The following RNF144B variants were observed in gnomAD, a reference collection of about 807,000 sequenced individuals.
The protein encoded by RNF144B is ring finger protein 144B.
In RNF144B, 25 loss-of-function variants were observed where a neutral mutation model predicts 40.2. The ratio of observed to expected loss-of-function variants is 0.62; its 90% CI spans 0.45 to 0.87. The LOEUF (loss-of-function observed/expected upper bound fraction) is 0.87. Ranked by LOEUF, RNF144B falls within the 40% of genes least tolerant of loss-of-function variation. The pLI is 0.00. For missense variants in RNF144B, 365 were observed against 373.7 expected, an observed-to-expected ratio of 0.98 and a Z score of 0.19; for synonymous variants, 145 against 136.3, an observed-to-expected ratio of 1.06 and a Z score of -0.44.
rs34536959 is a variant in RNF144B, at chr6:18,418,658, G to A, written c.166-8923G>A. Among the ~76,000 whole-genome samples, 4,486 of 152,174 alleles carry A rather than the reference G, an allele frequency of 0.029. 105 individuals are homozygous for A. Among genetic ancestry groups the A allele is most frequent in the Non-Finnish European group, 0.048 (3,291 of 67,984 alleles). Reference sequence around the variant, plus strand: ...TGTTCTAAAATCAAATTTGGTGATAGTTATACACTGTGAATATACTAAAAA... The same window carrying A: ...TGTTCTAAAATCAAATTTGGTGATAATTATACACTGTGAATATACTAAAAA... On this transcript the variant is annotated intron_variant, in intron 2 of 7. Transcript: ENST00000259939. The surrounding 1 kb of genome is among the most constrained non-coding windows in gnomAD (Gnocchi z 5.2).
In RNF144B at chr6:18,400,041, G is replaced by A. The variant is rs1323743911; in HGVS notation, c.165+342G>A. ...AATCCCAGCACTTTGGGAGGCCGAG[G>A]CGGGCGGATCACAAGGTCAGAAGAT... On this transcript the variant is annotated intron_variant, in intron 2 of 7. Coordinates refer to ENST00000259939, the MANE Select transcript of RNF144B (RefSeq NM_182757.4). The surrounding 1 kb of genome is among the most constrained non-coding windows in gnomAD (Gnocchi z 5.6). 6.6e-6 allele frequency among the ~76,000 whole-genome samples: 1 copy of A among 152,148 alleles called. No homozygotes were observed. Among genetic ancestry groups the A allele is most frequent in the East Asian group, 1.9e-4 (1 of 5,178 alleles).
rs542070789 is a variant in RNF144B at position 18,405,260 on chromosome 6, G to A, written c.165+5561G>A. ...ACAATCTCGGCTCACTGTAACTTCCGCCTCCCGGGTTCAAGTGGTTCTCCT... is the reference window on the plus strand; with the variant it reads ...ACAATCTCGGCTCACTGTAACTTCCACCTCCCGGGTTCAAGTGGTTCTCCT... On this transcript the variant is annotated intron_variant, in intron 2 of 7. Coordinates refer to ENST00000259939, the MANE Select transcript of RNF144B (RefSeq NM_182757.4). This position sits in a 1 kb window ranked among gnomAD's most constrained non-coding sequence, Gnocchi z 4.5. 1.1e-4 allele frequency among the ~76,000 whole-genome samples: 17 copies of A among 151,800 alleles called. No individual in the cohort carries two copies. In the East Asian group the frequency reaches 1.2e-3, roughly 10 times the overall value.
intron 2 of RNF144B, among the ~76,000 whole-genome samples, chr6:18,426,012 A>G (rs1312761316): frequency 6.6e-6 from 1 of 152,178 alleles, no homozygotes; most frequent in Non-Finnish European, 1.5e-5. Context: ...TAAATACATG[A>G]TTAGTTTTCT....
At chr6:18,411,497 A>ATATATATATATATTT in intron 2 of RNF144B, among the ~76,000 whole-genome samples, 1 of 29,790 alleles carries the variant, frequency 3.4e-5, no homozygotes, top group African/African-American at 1.4e-4. Context: ...ATATATATAT[A>ATATATATATATATTT]TTTTTTTTTT....
chr6:18,433,232 T>C (rs539459650), intron 3 of RNF144B, among the ~76,000 whole-genome samples: 2 of 152,164 alleles, frequency 1.3e-5, no homozygotes, highest in Admixed American at 1.3e-4. Flanking sequence ...GTTACTGTGG[T>C]GTAAGGATCT....
intron 3 of RNF144B, among the ~76,000 whole-genome samples, chr6:18,436,420 A>G (rs1188063124): frequency 6.6e-6 from 1 of 152,218 alleles, no homozygotes; most frequent in Admixed American, 6.5e-5. Flanking sequence ...CTTTAATTCT[A>G]TTGTATCGAA....
Position 18,459,791 on chromosome 6 carries a change from C to T in RNF144B, c.681+40C>T, listed in dbSNP as rs1341137538. The T allele has an allele frequency of 6.3e-7, 1 of 1,578,194 alleles. No homozygotes were observed. The highest frequency in any genetic ancestry group is 8.7e-7 in the Non-Finnish European group (1 of 1,151,998). ...GGTTTGTTGTATGGTGTTTCCTATA[C>T]TGTATCTGCACCACAGCTGATATCC... On this transcript the variant is annotated intron_variant, in intron 6 of 7. Coordinates refer to ENST00000259939, the MANE Select transcript of RNF144B (RefSeq NM_182757.4). This position sits in a 1 kb window ranked among gnomAD's most constrained non-coding sequence, Gnocchi z 4.2.
intron 2 of RNF144B, among the ~76,000 whole-genome samples, chr6:18,417,389 G>A (rs1711906809): frequency 6.6e-6 from 1 of 152,076 alleles, no homozygotes; most frequent in African/African-American, 2.4e-5. Flanking sequence ...TAGATCAATG[G>A]AATAGAATTG....
intron 4 of RNF144B, among the ~76,000 whole-genome samples, chr6:18,454,637 CT>C (rs912002253): frequency 2.0e-5 from 3 of 152,206 alleles, no homozygotes; most frequent in African/African-American, 7.2e-5. Flanking sequence ...GGCTCAAACT[CT>C]TTCCTTGCTT....
In RNF144B at chr6:18,414,632, A is replaced by G. The variant is rs1395818421; in HGVS notation, c.166-12949A>G. On this transcript the variant is annotated intron_variant, in intron 2 of 7. Coordinates refer to ENST00000259939, the MANE Select transcript of RNF144B (RefSeq NM_182757.4). The surrounding 1 kb of genome is among the most constrained non-coding windows in gnomAD (Gnocchi z 4.9). ...ATATATATGATTAGTTTTAATTAAG[A>G]TATTATTTCATTATAATTTATTCAA... Among the ~76,000 whole-genome samples the G allele has an allele frequency of 6.6e-6, 1 of 152,170 alleles. No individual in the cohort carries two copies. Among genetic ancestry groups the G allele is most frequent in the Non-Finnish European group, 1.5e-5 (1 of 68,018 alleles).
intron 4 of RNF144B, among the ~76,000 whole-genome samples, chr6:18,440,056 C>T (rs1184464894): frequency 1.3e-5 from 2 of 152,136 alleles, no homozygotes; most frequent in African/African-American, 4.8e-5. Context: ...AAGTGACCCT[C>T]GAAATGGGTT....
At position 18,387,487 on chromosome 6, in the gene RNF144B, T is replaced by C; in HGVS notation, c.-180T>C. On this transcript the variant is annotated 5_prime_UTR_variant, in exon 1 of 8. Transcript: ENST00000259939. ...AGTCCTGTTGCAGTCTTGCAAAGTG[T>C]AAAGCTGTCAGCCGCAGAGCACGGA... The C allele has an allele frequency of 7.7e-7, 1 of 1,293,960 alleles. No individual in the cohort carries two copies. Among genetic ancestry groups the C allele is most frequent in the Non-Finnish European group, 1.0e-6 (1 of 991,898 alleles). 80.2% of individuals were successfully genotyped at this position (1,293,960 alleles called of 1,614,324 possible).
intron 1 of RNF144B, among the ~76,000 whole-genome samples, chr6:18,388,773 C>T (rs1794519957): frequency 1.3e-5 from 2 of 151,904 alleles, no homozygotes; most frequent in Non-Finnish European, 2.9e-5. Context: ...TTTCACACAA[C>T]TCCTGCTCTG....
chr6:18,409,190 C>T (rs1415094466), intron 2 of RNF144B, among the ~76,000 whole-genome samples: 1 of 151,782 alleles, frequency 6.6e-6, no homozygotes, highest in East Asian at 2.0e-4. Context: ...CCAGCCTAGC[C>T]ACCATGGTGA....
rs1434575110 is a variant in RNF144B, at chr6:18,448,755, A to G, written c.332-8400A>G. Reference sequence around the variant, plus strand: ...ATAGAACCAGCAAAAGTTTCATGAAACTAATGTGAGATGCACCCTACTTTC... The same window carrying G: ...ATAGAACCAGCAAAAGTTTCATGAAGCTAATGTGAGATGCACCCTACTTTC... On this transcript the variant is annotated intron_variant, in intron 4 of 7. Transcript: ENST00000259939. This position sits in a 1 kb window ranked among gnomAD's most constrained non-coding sequence, Gnocchi z 4.0. Among the ~76,000 whole-genome samples, 2 of 151,794 alleles carry G rather than the reference A, an allele frequency of 1.3e-5. No homozygotes were observed. Among genetic ancestry groups the G allele is most frequent in the Non-Finnish European group, 2.9e-5 (2 of 67,956 alleles).
chr6:18,397,891 C>A (rs982974107), intron 1 of RNF144B, among the ~76,000 whole-genome samples: 1 of 152,130 alleles, frequency 6.6e-6, no homozygotes, highest in Admixed American at 6.5e-5. Context: ...GATTACCTAA[C>A]TTATCAGTAT....
intron 2 of RNF144B, among the ~76,000 whole-genome samples, chr6:18,404,706 GA>G (rs35982109): frequency 1.3e-5 from 2 of 151,760 alleles, no homozygotes; most frequent in East Asian, 1.9e-4. Flanking sequence ...ACTTAACAGG[GA>G]AAAAAAAGTG....
chr6:18,396,468 C>T (rs1305760277), intron 1 of RNF144B: 16 of 983,650 alleles, frequency 1.6e-5, no homozygotes, highest in Non-Finnish European at 1.8e-5. Context: ...CGAAGAGTAC[C>T]TAGATCTCTT....
intron 1 of RNF144B, among the ~76,000 whole-genome samples, chr6:18,392,777 G>C (rs1381787195): frequency 6.6e-6 from 1 of 152,014 alleles, no homozygotes; most frequent in African/African-American, 2.4e-5. Flanking sequence ...AATATTTCCT[G>C]GGTTTGTTTA....
Sources: gnomAD v4.1 joint callset for allele counts (sites outside exome capture counted in the v4.1 genomes callset) on GRCh38, gnomAD v4.1.1 for gene constraint, Gnocchi (gnomAD v3.1) non-coding constraint, MANE v1.5 for transcripts, NCBI Gene and HGNC (gene_info 2026-07-23, HGNC 2026-07-21) for gene names.